The following CAST variants were observed in gnomAD, a reference collection of about 807,000 sequenced individuals.
The protein encoded by CAST is calpastatin, also known as MIR583 host.
In CAST, 76 loss-of-function variants were observed where a neutral mutation model predicts 119.6. That is an observed-to-expected ratio of 0.64 (90% CI 0.53 to 0.77). The LOEUF (loss-of-function observed/expected upper bound fraction) is 0.77. Ranked by LOEUF, CAST falls within the 30% of genes least tolerant of loss-of-function variation. The pLI, the probability that CAST is intolerant of heterozygous loss-of-function variation, is 0.00. For missense variants in CAST, 953 were observed against 946.5 expected, an observed-to-expected ratio of 1.01 and a Z score of -0.09; for synonymous variants, 319 against 331.6, an observed-to-expected ratio of 0.96 and a Z score of 0.41.
intron 3 of CAST, among the ~76,000 whole-genome samples, chr5:96,703,452 A>G (rs1754297167): frequency 6.6e-6 from 1 of 152,132 alleles, no homozygotes; most frequent in Non-Finnish European, 1.5e-5. Context: ...TTTCGGTTCC[A>G]TTTCCTTTAC....
the CAST span, among the ~76,000 whole-genome samples, chr5:96,297,011 A>C: frequency 6.6e-6 from 1 of 150,922 alleles, no homozygotes; most frequent in African/African-American, 2.4e-5. Context: ...TTCTGGTGTC[A>C]GTTATAAAAT....
chr5:96,672,001 T>C (rs545385052), intron 1 of CAST, among the ~76,000 whole-genome samples: 17 of 152,378 alleles, frequency 1.1e-4, no homozygotes, highest in African/African-American at 4.1e-4. Context: ...TTTCAATAAA[T>C]GATCAGGGCA....
At chr5:96,329,778 C>G in the CAST span, among the ~76,000 whole-genome samples, 1 of 152,224 alleles carries the variant, frequency 6.6e-6, no homozygotes, top group African/African-American at 2.4e-5. Context: ...ATTAGCTATT[C>G]TCCATGTATT....
At chr5:96,257,395 G>A in the CAST span, among the ~76,000 whole-genome samples, 1 of 152,002 alleles carries the variant, frequency 6.6e-6, no homozygotes, top group Non-Finnish European at 1.5e-5. Context: ...ATCCATCTTG[G>A]TTGGAAAAAA....
chr5:96,099,639 A>T, the CAST span, among the ~76,000 whole-genome samples: 19 of 152,260 alleles, frequency 1.2e-4, no homozygotes, highest in Admixed American at 1.2e-3. Flanking sequence ...ATTGATTTGC[A>T]TGCATTGAAA....
the CAST span, among the ~76,000 whole-genome samples, chr5:96,417,461 C>G: frequency 2.0e-5 from 3 of 151,958 alleles, no homozygotes; most frequent in Admixed American, 6.6e-5. Context: ...TCCTCTCAGA[C>G]AACTTTCAAG....
chr5:96,437,065 T>C, the CAST span, among the ~76,000 whole-genome samples: 2 of 152,282 alleles, frequency 1.3e-5, no homozygotes, highest in Non-Finnish European at 2.9e-5. Flanking sequence ...TCACCTGGCC[T>C]TCCCAAGTGA....
At chr5:96,378,782 A>G in the CAST span, among the ~76,000 whole-genome samples, 1 of 152,112 alleles carries the variant, frequency 6.6e-6, no homozygotes, top group Non-Finnish European at 1.5e-5. Context: ...TAACCAATTC[A>G]TTTTATTATC....
intron 10 of CAST, among the ~76,000 whole-genome samples, chr5:96,736,613 G>T (rs1458907597): frequency 6.6e-6 from 1 of 151,944 alleles, no homozygotes; most frequent in Non-Finnish European, 1.5e-5. Flanking sequence ...ACAGCCTTCA[G>T]ATTGTATTTC....
the CAST span, among the ~76,000 whole-genome samples, chr5:96,373,078 T>G: frequency 5.3e-5 from 8 of 152,222 alleles, no homozygotes; most frequent in South Asian, 1.7e-3. Flanking sequence ...AGCATGCATA[T>G]TTTTTCTGCT....
intron 1 of CAST, among the ~76,000 whole-genome samples, chr5:96,551,675 T>A (rs1025615881): frequency 1.3e-5 from 2 of 151,698 alleles, no homozygotes. Flanking sequence ...AGGAGACCTA[T>A]CTCGCATGCA....
the CAST span, among the ~76,000 whole-genome samples, chr5:95,976,866 C>T: frequency 1.1e-3 from 168 of 152,180 alleles, no homozygotes; most frequent in Non-Finnish European, 2.0e-3. Context: ...TGTTTTTTCT[C>T]GTTCTCTGTT....
chr5:96,529,845 G>T (rs1236058477), exon 1 of CAST: 1 of 433,820 alleles, frequency 2.3e-6, no homozygotes, highest in East Asian at 8.1e-5. Flanking sequence ...TGCCATGATT[G>T]TAAGTTTCCT....
the CAST span, among the ~76,000 whole-genome samples, chr5:96,075,356 T>C: frequency 1.3e-5 from 2 of 152,220 alleles, no homozygotes; most frequent in African/African-American, 4.8e-5. Flanking sequence ...TGGCATCATC[T>C]ACATGTTTTC....
At chr5:96,055,260 C>T in the CAST span, among the ~76,000 whole-genome samples, 10 of 152,106 alleles carry the variant, frequency 6.6e-5, no homozygotes, top group Non-Finnish European at 1.2e-4. Flanking sequence ...CATTTTCCTT[C>T]TCTGGGTTTT....
At chr5:96,312,373 G>A in the CAST span, among the ~76,000 whole-genome samples, 2 of 152,070 alleles carry the variant, frequency 1.3e-5, no homozygotes, top group African/African-American at 4.8e-5. Flanking sequence ...GGTTACCCCT[G>A]TGTTGTATTT....
chr5:96,255,560 A>G, the CAST span, among the ~76,000 whole-genome samples: 1 of 107,790 alleles, frequency 9.3e-6, no homozygotes, highest in Non-Finnish European at 1.8e-5. Flanking sequence ...GGTCAGTCCA[A>G]ATAACTTTTT....
chr5:96,573,298 A>G (rs1244607825), intron 1 of CAST, among the ~76,000 whole-genome samples: 1 of 151,296 alleles, frequency 6.6e-6, no homozygotes, highest in Non-Finnish European at 1.5e-5. Flanking sequence ...TTTTTGTTTT[A>G]TTTTTTATGC....
the CAST span, among the ~76,000 whole-genome samples, chr5:96,384,536 C>T: frequency 2.6e-4 from 39 of 152,302 alleles, 1 homozygote; most frequent in Admixed American, 2.3e-3. Context: ...GGCTATGACT[C>T]ATCTTCCTCA....
Sources: allele counts gnomAD v4.1 joint callset (sites outside exome capture counted in the v4.1 genomes callset), GRCh38; gene constraint gnomAD v4.1.1; transcripts MANE v1.5; gene names NCBI Gene and HGNC (gene_info 2026-07-23, HGNC 2026-07-21).